Variants in ZDHHC5 observed in about 807,000 individuals in gnomAD.
ZDHHC5 encodes zDHHC palmitoyltransferase 5.
A neutral mutation model predicts 70.0 loss-of-function variants in ZDHHC5; 22 were observed. The observed-to-expected ratio is 0.31, with a 90% CI of 0.22 to 0.45. The LOEUF (loss-of-function observed/expected upper bound fraction) is 0.45, where lower values mean the gene tolerates loss of function less well. ZDHHC5 is among the 20% of genes least tolerant of loss of function. The pLI is 1.00. For synonymous variants in ZDHHC5, 313 were observed against 347.8 expected, an observed-to-expected ratio of 0.90 and a Z score of 1.11; for missense variants, 746 against 926.9, an observed-to-expected ratio of 0.80 and a Z score of 2.53.
At position 57,672,110 on chromosome 11, in the gene ZDHHC5, C is replaced by T. The variant is rs1362534143; in HGVS notation, c.-981C>T. ...ACATTGACTAGTCTGGAAACAGGGA[C>T]ATCTTTGGAACTTCGTTTTCATCCA... On this transcript the variant is annotated 5_prime_UTR_variant, in exon 2 of 12. Transcript: ENST00000287169. The T allele has an allele frequency of 2.5e-6, 1 of 395,924 alleles. No individual in the cohort carries two copies. The highest frequency in any genetic ancestry group is 1.4e-4 in the South Asian group (1 of 7,106). The allele number at this position is 395,924 out of a possible 1,614,324, so 24.5% of individuals were successfully genotyped here.
At chr11:57,689,999 G>A (rs780370559) in intron 4 of ZDHHC5, 32 bp from the exon 5 acceptor site, 1 of 1,610,518 alleles carries the variant, frequency 6.2e-7, no homozygotes, top group South Asian at 1.1e-5. Flanking sequence ...ATGGTCCAGG[G>A]ATGCCTCTCA....
At chr11:57,689,650 A>G (rs1416424035) in intron 4 of ZDHHC5, among the ~76,000 whole-genome samples, 1 of 150,814 alleles carries the variant, frequency 6.6e-6, no homozygotes, top group African/African-American at 2.4e-5. Context: ...TGCTGGGATT[A>G]CAGGCGTGAG....
intron 6 of ZDHHC5, among the ~76,000 whole-genome samples, chr11:57,691,347 C>CTTTT (rs1226864703): frequency 1.3e-5 from 2 of 152,156 alleles, no homozygotes; most frequent in East Asian, 3.9e-4. Flanking sequence ...GCTAAAATAT[C>CTTTT]TTTTATTTAT....
At chr11:57,684,779 C>G (rs1404175153) in intron 3 of ZDHHC5, among the ~76,000 whole-genome samples, 3 of 152,144 alleles carry the variant, frequency 2.0e-5, no homozygotes, top group Admixed American at 2.0e-4. Flanking sequence ...GTTTTCCTCT[C>G]AAATGTGAGG....
chr11:57,685,332 A>AT (rs1946195871), intron 3 of ZDHHC5, among the ~76,000 whole-genome samples: 1 of 152,142 alleles, frequency 6.6e-6, no homozygotes, highest in Non-Finnish European at 1.5e-5. Context: ...GGAAGGCACT[A>AT]TGATGGTCAT....
chr11:57,682,591 A>G (rs1946162616), intron 3 of ZDHHC5, 48 bp downstream of exon 3: 1 of 1,597,616 alleles, frequency 6.3e-7, no homozygotes. Context: ...CCTTTGAAAA[A>G]TAATGAGTTG....
At chr11:57,671,451 C>T (rs1946005194) in intron 1 of ZDHHC5, among the ~76,000 whole-genome samples, 1 of 152,186 alleles carries the variant, frequency 6.6e-6, no homozygotes, top group Non-Finnish European at 1.5e-5. Flanking sequence ...GGCATCATGG[C>T]TTTCTCTGCA....
intron 6 of ZDHHC5, 131 bp downstream of exon 6, chr11:57,690,568 T>C (rs992650395): frequency 4.7e-5 from 46 of 983,206 alleles, no homozygotes; most frequent in Non-Finnish European, 7.0e-5. Context: ...TAGAGATTAA[T>C]GGTAGGGAGT....
At chr11:57,684,539 C>G (rs1341219730) in intron 3 of ZDHHC5, among the ~76,000 whole-genome samples, 2 of 152,000 alleles carry the variant, frequency 1.3e-5, no homozygotes, top group Admixed American at 6.5e-5. Flanking sequence ...CAGAATTTAG[C>G]TTGTTTGTAG....
At position 57,690,411 on chromosome 11, in the gene ZDHHC5, G is replaced by T; in HGVS notation, c.634G>T (p.Ala212Ser). 2 of 1,614,144 alleles carry T rather than the reference G, an allele frequency of 1.2e-6. No individual in the cohort carries two copies. Among genetic ancestry groups the T allele is most frequent in the Non-Finnish European group, 8.5e-7 (1 of 1,180,046 alleles). Residue 212 changes from alanine (A) to serine (S), a missense_variant, in exon 6 of 12, where the codon GCC (alanine) becomes TCC (serine). Ala to Ser is a moderately conservative substitution (Grantham distance 99). Coordinates refer to ENST00000287169, the MANE Select transcript of ZDHHC5 (RefSeq NM_015457.3). ...CACGGGATTTCACGTGGTTCTGGTG[G>T]CCAGGGGACGCACAACCAATGAACA... The part of the protein sequence containing the change: ...GLTGFHVVLV[A>S]RGRTTNEQVT...
rs374833585 is a variant in ZDHHC5 at position 57,699,082 on chromosome 11, A to T, written c.1646A>T (p.Lys549Met). The change falls in exon 11 of 12, where the codon AAG (lysine) becomes ATG (methionine). Residue 549 changes from lysine to methionine, a missense_variant. Physicochemically the swap from Lys to Met is moderately conservative, Grantham distance 95 (BLOSUM62 -1). Around this residue, in one of 6 missense-constraint regions of ZDHHC5, gnomAD observed 340 missense variants for 350.1 expected, o/e 0.97. Coordinates refer to ENST00000287169, the MANE Select transcript of ZDHHC5 (RefSeq NM_015457.3). ...HIVASLQEREKLLRQSPPLPG... is the reference protein window; with the variant it reads ...HIVASLQEREMLLRQSPPLPG... Reference sequence around the variant, plus strand: ...GTGGCCTCTCTCCAGGAACGAGAGAAGTTGCTGCGCCAGTCACCCCCACTC... The same window carrying T: ...GTGGCCTCTCTCCAGGAACGAGAGATGTTGCTGCGCCAGTCACCCCCACTC... 98 of 1,613,682 alleles carry T rather than the reference A, an allele frequency of 6.1e-5. No homozygotes were observed. Among genetic ancestry groups the T allele is most frequent in the Non-Finnish European group, 7.4e-5 (87 of 1,179,902 alleles).
intron 11 of ZDHHC5, 25 bp from the exon 12 acceptor site, chr11:57,699,841 C>T: frequency 6.2e-7 from 1 of 1,613,982 alleles, no homozygotes; most frequent in South Asian, 1.1e-5. Flanking sequence ...TTTCCTGACA[C>T]CTACGTCTTG....
intron 2 of ZDHHC5, among the ~76,000 whole-genome samples, chr11:57,675,442 T>G (rs537445590): frequency 1.3e-5 from 2 of 152,354 alleles, no homozygotes; most frequent in East Asian, 3.9e-4. Context: ...ACCTACTTTC[T>G]CATTCCCTGG....
intron 3 of ZDHHC5, among the ~76,000 whole-genome samples, chr11:57,684,478 G>A (rs993233954): frequency 2.6e-5 from 4 of 152,156 alleles, no homozygotes; most frequent in African/African-American, 4.8e-5. Flanking sequence ...CCAGCTACTC[G>A]GGAGGGTGAG....
At chr11:57,693,741 C>G in intron 7 of ZDHHC5, 42 bp from the exon 8 acceptor site, 3 of 1,502,948 alleles carry the variant, frequency 2.0e-6, no homozygotes, top group Non-Finnish European at 2.7e-6. Flanking sequence ...TGAATGAAAG[C>G]TCTCTCGCTG....
intron 6 of ZDHHC5, 34 bp downstream of exon 6, chr11:57,690,471 G>T: frequency 6.2e-7 from 1 of 1,608,458 alleles, no homozygotes. Flanking sequence ...CCCCTGAAGA[G>T]CAGGTCATGT....
intron 6 of ZDHHC5, 67 bp downstream of exon 6, chr11:57,690,504 T>G: frequency 1.3e-6 from 2 of 1,483,548 alleles, no homozygotes; most frequent in Admixed American, 3.4e-5. Context: ...CTGATTAGTG[T>G]GCAGTGTAGT....
rs1354941503 is a variant in ZDHHC5, at chr11:57,673,121, C to G, written c.31C>G (p.Pro11Ala). 2 of 1,614,080 alleles carry G rather than the reference C, an allele frequency of 1.2e-6. No individual in the cohort carries two copies. The highest frequency in any genetic ancestry group is 2.2e-5 in the South Asian group (2 of 91,072). MPAESGKRFKPSKYVPVSAAA... is the reference protein window; with the variant it reads MPAESGKRFKASKYVPVSAAA... ...CGCAGAGTCTGGAAAGAGATTCAAACCCAGCAAGTATGTCCCGGTCTCTGC... is the reference window on the plus strand; with the variant it reads ...CGCAGAGTCTGGAAAGAGATTCAAAGCCAGCAAGTATGTCCCGGTCTCTGC... Residue 11 changes from proline to alanine, a missense_variant, in exon 2 of 12, where the codon CCC becomes GCC. By Grantham distance (27) the Pro-to-Ala change is conservative (BLOSUM62 -1). Transcript: ENST00000287169.
At chr11:57,694,640 G>A (rs1393897488) in intron 8 of ZDHHC5, among the ~76,000 whole-genome samples, 1 of 152,146 alleles carries the variant, frequency 6.6e-6, no homozygotes, top group African/African-American at 2.4e-5. Context: ...AGGATTATAG[G>A]TGTGAGCCAC....
Sources: allele counts gnomAD v4.1 joint callset (sites outside exome capture counted in the v4.1 genomes callset), GRCh38; gene constraint gnomAD v4.1.1; regional missense constraint gnomAD v4.1.1; transcripts MANE v1.5; gene names NCBI Gene and HGNC (gene_info 2026-07-23, HGNC 2026-07-21).